The following FOXJ2 variants were observed in gnomAD, a reference collection of about 807,000 sequenced individuals.
FOXJ2 encodes forkhead box J2.
A neutral mutation model predicts 68.4 loss-of-function variants in FOXJ2; 18 were observed. The observed-to-expected ratio is 0.26, with a 90% CI of 0.18 to 0.39. The LOEUF is 0.39. Among genes scored for constraint, FOXJ2 ranks in the 10% least tolerant of loss-of-function variants. FOXJ2 has a pLI of 1.00. For missense variants in FOXJ2, 670 were observed against 726.5 expected, an observed-to-expected ratio of 0.92 and a Z score of 0.89; for synonymous variants, 274 against 263.2, an observed-to-expected ratio of 1.04 and a Z score of -0.40.
Position 8,035,105 on chromosome 12 carries a change from A to G in FOXJ2, c.-15+1272A>G, listed in dbSNP as rs754303151. On this transcript the variant is annotated intron_variant, in intron 1 of 10. Transcript: ENST00000162391. The surrounding 1 kb of genome is among the most constrained non-coding windows in gnomAD (Gnocchi z 4.0). ...TTGTCCTGGAAGCTACTGGTGGTAT[A>G]TGAGATAGGGCACAGGTTTGTGTGG... Among the ~76,000 whole-genome samples the G allele has an allele frequency of 6.6e-6, 1 of 152,298 alleles. No individual in the cohort carries two copies. Among genetic ancestry groups the G allele is most frequent in the African/African-American group, 2.4e-5 (1 of 41,560 alleles).
Position 8,050,606 on chromosome 12 carries a change from G to T in FOXJ2, c.1622G>T (p.Gly541Val), listed in dbSNP as rs781593795. 1.2e-6 allele frequency: 2 copies of T among 1,614,020 alleles called. No individual in the cohort carries two copies. The highest frequency in any genetic ancestry group is 2.7e-5 in the African/African-American group (2 of 75,020). Residue 541 changes from glycine to valine, a missense_variant, in exon 10 of 11, where the codon GGA becomes GTA. Around this residue, in one of 2 missense-constraint regions of FOXJ2, gnomAD observed 555 missense variants for 562.2 expected, o/e 0.99. Coordinates refer to ENST00000162391, the MANE Select transcript of FOXJ2 (RefSeq NM_018416.3). ...CCAATCCCCACCCAGGACTCAGCAG[G>T]ATACAATCGCCCAGGTAAGAGCTAA... is the stretch of plus-strand genomic sequence containing the variant. ...MYPIPTQDSA[G>V]YNRPAHHMVP...
chr12:8,052,220 G>A (rs1315592907), intron 10 of FOXJ2, among the ~76,000 whole-genome samples: 5 of 149,362 alleles, frequency 3.3e-5, no homozygotes, highest in African/African-American at 1.2e-4. Flanking sequence ...GTTTTCAGAA[G>A]TACAATTTTT....
chr12:8,047,155 T>C (rs1362969103), intron 6 of FOXJ2, among the ~76,000 whole-genome samples: 2 of 151,888 alleles, frequency 1.3e-5, no homozygotes, highest in Non-Finnish European at 2.9e-5. Flanking sequence ...AGTAGCAGAG[T>C]GTAGAGAAAA....
intron 1 of FOXJ2, among the ~76,000 whole-genome samples, chr12:8,039,017 C>T (rs1210643021): frequency 2.0e-5 from 3 of 152,230 alleles, no homozygotes; most frequent in Admixed American, 6.5e-5. Context: ...TTGTGGATGA[C>T]TTCTTCCTGG....
At chr12:8,051,859 T>G (rs745414601) in intron 10 of FOXJ2, among the ~76,000 whole-genome samples, 1 of 152,288 alleles carries the variant, frequency 6.6e-6, no homozygotes, top group South Asian at 2.1e-4. Context: ...TCATGTGATA[T>G]TATCTTCTGT....
intron 1 of FOXJ2, among the ~76,000 whole-genome samples, chr12:8,037,069 A>G (rs1383189262): frequency 6.6e-6 from 1 of 152,220 alleles, no homozygotes; most frequent in Non-Finnish European, 1.5e-5. Flanking sequence ...ATCCTGGGCC[A>G]CAGAGCAAGG....
At chr12:8,042,598 A>G (rs1217199574) in intron 2 of FOXJ2, 60 bp from the exon 3 acceptor site, 42 of 1,431,278 alleles carry the variant, frequency 2.9e-5, no homozygotes, top group Middle Eastern at 1.7e-4. Context: ...TCTGTGTTCT[A>G]TTGGAAAATG....
At chr12:8,043,928 T>G in intron 4 of FOXJ2, 23 bp from the exon 5 acceptor site, 1 of 1,547,808 alleles carries the variant, frequency 6.5e-7, no homozygotes, top group Non-Finnish European at 8.7e-7. Context: ...GCTTATAGAT[T>G]TCTTTTTTTT....
Position 8,047,993 on chromosome 12 carries a change from C to T in FOXJ2, c.929C>T (p.Pro310Leu). 6.2e-7 allele frequency: 1 copy of T among 1,613,874 alleles called. No homozygotes were observed. The highest frequency in any genetic ancestry group is 1.1e-5 in the South Asian group (1 of 91,054). Residue 310 changes from proline to leucine, a missense_variant, in exon 7 of 11, where the codon CCA becomes CTA. Pro to Leu is a moderately conservative substitution (Grantham distance 98). Transcript: ENST00000162391. ...QQQQQQQPPQ[P>L]PPQQSQPQQQ... ...CAGCAGCAGCAGCAGCCGCCACAGC[C>T]ACCTCCCCAGCAGTCCCAGCCACAG...
In FOXJ2 at chr12:8,032,721, GGAGCC is replaced by G. The variant is rs1043503198; in HGVS notation, c.-1116_-1112del. On this transcript the variant is annotated 5_prime_UTR_variant, in exon 1 of 11. Coordinates refer to ENST00000162391, the MANE Select transcript of FOXJ2 (RefSeq NM_018416.3). The surrounding 1 kb of genome is among the most constrained non-coding windows in gnomAD (Gnocchi z 4.8). ...CCGGGGAGGAGCCGGGGCCTGCAGC[GGAGCC>G]GAGCCGAGCCCGAGCCCGCGCCGAG... 73 of 391,248 alleles carry G rather than the reference GGAGCC, an allele frequency of 1.9e-4. No homozygotes were observed. The highest frequency in any genetic ancestry group is 2.5e-4 in the Non-Finnish European group (56 of 221,364). The allele number at this position is 391,248 out of a possible 1,614,324, so 24.2% of individuals were successfully genotyped here.
intron 3 of FOXJ2, among the ~76,000 whole-genome samples, chr12:8,043,217 CAAAAAA>C (rs11423157): frequency 1.7e-5 from 1 of 58,180 alleles, no homozygotes; most frequent in African/African-American, 5.9e-5. Flanking sequence ...AACTCCATCT[CAAAAAA>C]AAAAAAAAAA....
At chr12:8,045,537 A>G (rs1454182633) in intron 6 of FOXJ2, among the ~76,000 whole-genome samples, 2 of 152,110 alleles carry the variant, frequency 1.3e-5, no homozygotes, top group Non-Finnish European at 2.9e-5. Context: ...TTTTTAGTAG[A>G]GACAGGGTTT....
chr12:8,050,540 C>G lies in FOXJ2; in HGVS notation c.1556C>G (p.Pro519Arg), dbSNP rs1386805842. ...AMSQVNSYGH[P>R]QAPHLYPGPS... ...TTGGCAGTGAACTCTTATGGGCACC[C>G]ACAAGCTCCCCACCTCTACCCTGGC... Residue 519 changes from proline to arginine, a missense_variant, in exon 10 of 11, where the codon CCA becomes CGA. Coordinates refer to ENST00000162391, the MANE Select transcript of FOXJ2 (RefSeq NM_018416.3). 1.9e-6 allele frequency: 3 copies of G among 1,613,650 alleles called. No individual in the cohort carries two copies. Among genetic ancestry groups the G allele is most frequent in the Non-Finnish European group, 2.5e-6 (3 of 1,179,860 alleles).
chr12:8,043,890 A>T, intron 4 of FOXJ2, 61 bp from the exon 5 acceptor site: 1 of 1,584,110 alleles, frequency 6.3e-7, no homozygotes, highest in East Asian at 2.2e-5. Flanking sequence ...AGGGGAAACC[A>T]TGGGTCTTGG....
intron 6 of FOXJ2, among the ~76,000 whole-genome samples, chr12:8,047,322 A>T (rs778539198): frequency 1.3e-5 from 2 of 151,972 alleles, no homozygotes; most frequent in Non-Finnish European, 2.9e-5. Flanking sequence ...GGTGGTACAC[A>T]CCTGTAGTCT....
chr12:8,048,562 A>C, intron 7 of FOXJ2, 135 bp from the exon 8 acceptor site: 1 of 1,132,086 alleles, frequency 8.8e-7, no homozygotes, highest in South Asian at 1.4e-5. Context: ...CCAGGGAGGG[A>C]GAGTCCAAAA....
intron 1 of FOXJ2, among the ~76,000 whole-genome samples, chr12:8,039,215 A>T (rs1946934396): frequency 6.7e-6 from 1 of 150,210 alleles, no homozygotes; most frequent in Non-Finnish European, 1.5e-5. Flanking sequence ...TGTCATGTAT[A>T]CTTTATGCCT....
rs763131919 is a variant in FOXJ2 at position 8,050,625 on chromosome 12, G to A, written c.1636+5G>A. The stretch of plus-strand genomic sequence containing the variant: ...CAGCAGGATACAATCGCCCAGGTAA[G>A]AGCTAAGAAGCTTGTTTCAAAACCG... On this transcript the variant is annotated splice_donor_5th_base_variant and intron_variant, in intron 10 of 10. Transcript: ENST00000162391. The A allele has an allele frequency of 1.2e-6, 2 of 1,614,006 alleles. No individual in the cohort carries two copies. The highest frequency in any genetic ancestry group is 1.7e-6 in the Non-Finnish European group (2 of 1,179,962).
intron 1 of FOXJ2, among the ~76,000 whole-genome samples, chr12:8,034,319 C>G (rs111856136): frequency 7.2e-5 from 11 of 152,162 alleles, no homozygotes; most frequent in East Asian, 1.9e-4. Context: ...GGTGTTCCCT[C>G]CAGCTTACTG....
Sources: gnomAD v4.1 joint callset for allele counts (sites outside exome capture counted in the v4.1 genomes callset) on GRCh38, gnomAD v4.1.1 for gene constraint, gnomAD v4.1.1 regional missense constraint, Gnocchi (gnomAD v3.1) non-coding constraint, MANE v1.5 for transcripts, NCBI Gene and HGNC (gene_info 2026-07-23, HGNC 2026-07-21) for gene names.